The following PGPEP1 variants were observed in gnomAD, a reference collection of about 807,000 sequenced individuals.
PGPEP1 encodes pyroglutamyl-peptidase I, also known as pyroglutamyl-peptidase 1.
A neutral mutation model predicts 24.1 loss-of-function variants in PGPEP1; 15 were observed. The ratio of observed to expected loss-of-function variants is 0.62; its 90% CI spans 0.42 to 0.96. The LOEUF (loss-of-function observed/expected upper bound fraction) is 0.96, where lower values mean the gene tolerates loss of function less well. Ranked by LOEUF, PGPEP1 falls within the 40% of genes least tolerant of loss-of-function variation. The pLI is 0.00. For missense variants in PGPEP1, 242 were observed against 273.4 expected (o/e 0.89, Z 0.81); for synonymous variants, 122 against 116.4 (o/e 1.05, Z -0.31).
chr19:18,348,523 G>A (rs1263354270), intron 2 of PGPEP1, among the ~76,000 whole-genome samples: 2 of 152,112 alleles, frequency 1.3e-5, no homozygotes, highest in Non-Finnish European at 2.9e-5. Context: ...GCAAAGTGAT[G>A]TGGGACTTGG....
intron 2 of PGPEP1, among the ~76,000 whole-genome samples, chr19:18,352,289 T>TAAAAAAAA (rs1971055239): frequency 1.6e-5 from 1 of 63,008 alleles, no homozygotes; most frequent in African/African-American, 5.2e-5. Context: ...AAAAAAAAAT[T>TAAAAAAAA]AGTTGGGTGT....
Position 18,367,173 on chromosome 19 carries a change from A to AAAAAAAAAAAAAAAAC in PGPEP1, c.*3592_*3593insAAAAAAAAAAAAACAA. On this transcript the variant is annotated 3_prime_UTR_variant, in exon 5 of 5. Transcript: ENST00000269919. ...TCTGTCTCAAAAAAAAAAAAAAAAA[A>AAAAAAAAAAAAAAAAC]AATCCTCATGCAAGAAGGGAAGGAC... 6.6e-6 allele frequency: 1 copy of AAAAAAAAAAAAAAAAC among 151,832 alleles called. No individual in the cohort carries two copies. The highest frequency in any genetic ancestry group is 2.4e-5 in the African/African-American group (1 of 41,176). The allele number at this position is 151,832 out of a possible 1,614,324, so 9.4% of individuals were successfully genotyped here.
At chr19:18,346,085 C>G (rs1297869306) in intron 2 of PGPEP1, among the ~76,000 whole-genome samples, 1 of 152,092 alleles carries the variant, frequency 6.6e-6, no homozygotes, top group Non-Finnish European at 1.5e-5. Flanking sequence ...ACAGAAGCCC[C>G]ACATAGCCTC....
intron 4 of PGPEP1, 48 bp from the exon 5 acceptor site, chr19:18,363,343 C>G (rs748160858): frequency 1.0e-5 from 16 of 1,532,170 alleles, no homozygotes; most frequent in Middle Eastern, 1.7e-4. Context: ...GATTGCCCCT[C>G]TGACCCCGTT....
Position 18,355,900 on chromosome 19 carries a change from A to G in PGPEP1, c.93A>G (p.Leu31=). 2 of 1,607,440 alleles carry G rather than the reference A, an allele frequency of 1.2e-6. No individual in the cohort carries two copies. Among genetic ancestry groups the G allele is most frequent in the South Asian group, 1.1e-5 (1 of 90,900 alleles). Residue 31 remains leucine (L), a synonymous_variant, in exon 3 of 5, where the codon CTA becomes CTG. Coordinates refer to ENST00000269919, the MANE Select transcript of PGPEP1 (RefSeq NM_017712.4). ...VNASWIAVQE[L]EKLGLGDSVD... ...CCCACTCTCCTCTCTTCCAGGAGCT[A>G]GAAAAGCTAGGCCTTGGCGACAGCG...
At chr19:18,345,160 C>T (rs1304858876) in intron 2 of PGPEP1, among the ~76,000 whole-genome samples, 1 of 152,014 alleles carries the variant, frequency 6.6e-6, no homozygotes, top group Non-Finnish European at 1.5e-5. Context: ...CACCACCAGG[C>T]CCGGCTAATT....
At chr19:18,345,063 C>T (rs1054368825) in intron 2 of PGPEP1, among the ~76,000 whole-genome samples, 12 of 151,974 alleles carry the variant, frequency 7.9e-5, no homozygotes, top group African/African-American at 2.9e-4. Flanking sequence ...TGCAATGTCA[C>T]GGTATCAGCT....
intron 4 of PGPEP1, among the ~76,000 whole-genome samples, chr19:18,363,129 C>T (rs1402405239): frequency 6.6e-6 from 1 of 151,466 alleles, no homozygotes; most frequent in African/African-American, 2.4e-5. Flanking sequence ...AATCATGGCT[C>T]ACTGCAGCCT....
At chr19:18,351,272 C>T (rs1022699193) in intron 2 of PGPEP1, among the ~76,000 whole-genome samples, 1 of 149,500 alleles carries the variant, frequency 6.7e-6, no homozygotes, top group Non-Finnish European at 1.5e-5. Flanking sequence ...CTCAAAAAAA[C>T]CAAACAAAAC....
chr19:18,366,809 C>A lies in PGPEP1; in HGVS notation c.*3226C>A, dbSNP rs1017170484. 2.0e-5 allele frequency: 3 copies of A among 152,106 alleles called. No individual in the cohort carries two copies. Among genetic ancestry groups the A allele is most frequent in the Admixed American group, 2.0e-4 (3 of 15,246 alleles). The allele number at this position is 152,106 out of a possible 1,614,324, so 9.4% of individuals were successfully genotyped here. A position where few individuals can be genotyped will look rare whatever the true frequency, so the allele number is the denominator to read the frequency against. Reference sequence around the variant, plus strand: ...ATATTTTTCTTTTGGTGGAACTCATCTGTGCACTCTCTGGTGTGTTTTTCC... The same window carrying A: ...ATATTTTTCTTTTGGTGGAACTCATATGTGCACTCTCTGGTGTGTTTTTCC... On this transcript the variant is annotated 3_prime_UTR_variant, in exon 5 of 5. Coordinates refer to ENST00000269919, the MANE Select transcript of PGPEP1 (RefSeq NM_017712.4).
chr19:18,354,450 G>T (rs1376798188), intron 2 of PGPEP1, among the ~76,000 whole-genome samples: 2 of 151,896 alleles, frequency 1.3e-5, no homozygotes, highest in Admixed American at 6.6e-5. Context: ...AGCCGAGGTG[G>T]CGCCGCTGCA....
At chr19:18,341,325 T>G (rs1376387553) in intron 1 of PGPEP1, among the ~76,000 whole-genome samples, 9 of 152,148 alleles carry the variant, frequency 5.9e-5, no homozygotes, top group Non-Finnish European at 1.3e-4. Context: ...GGGCTGTTTG[T>G]TGGTGAGTCA....
At chr19:18,351,759 G>A (rs1971032046) in intron 2 of PGPEP1, among the ~76,000 whole-genome samples, 1 of 151,922 alleles carries the variant, frequency 6.6e-6, no homozygotes, top group Non-Finnish European at 1.5e-5. Context: ...CCTGGGCAAT[G>A]TAGCAAGACC....
chr19:18,342,976 T>A, intron 2 of PGPEP1, 65 bp downstream of exon 2: 1 of 1,153,696 alleles, frequency 8.7e-7, no homozygotes, highest in East Asian at 2.3e-5. Context: ...AGTTATGGCA[T>A]CCAAGAAGGT....
chr19:18,359,690 T>G (rs1971287235), intron 4 of PGPEP1, among the ~76,000 whole-genome samples: 1 of 152,084 alleles, frequency 6.6e-6, no homozygotes, highest in African/African-American at 2.4e-5. Context: ...GTATTTTTAG[T>G]AGAGGCGGGG....
chr19:18,341,549 G>A (rs1421698377), intron 1 of PGPEP1, among the ~76,000 whole-genome samples: 1 of 152,146 alleles, frequency 6.6e-6, no homozygotes, highest in East Asian at 1.9e-4. Flanking sequence ...GGGAGATTGA[G>A]GCTGATCCAG....
intron 4 of PGPEP1, among the ~76,000 whole-genome samples, chr19:18,362,567 A>T (rs2144581048): frequency 6.6e-6 from 1 of 151,572 alleles, no homozygotes; most frequent in South Asian, 2.1e-4. Context: ...CTCTACTAAA[A>T]ATACAAAAAT....
Position 18,340,657 on chromosome 19 carries a change from G to A in PGPEP1, c.-25G>A, listed in dbSNP as rs1413986812. The A allele has an allele frequency of 6.5e-7, 1 of 1,536,402 alleles. No individual in the cohort carries two copies. Among genetic ancestry groups the A allele is most frequent in the Admixed American group, 2.0e-5 (1 of 50,666 alleles). On this transcript the variant is annotated 5_prime_UTR_variant, in exon 1 of 5. Coordinates refer to ENST00000269919, the MANE Select transcript of PGPEP1 (RefSeq NM_017712.4). ...GTCGCGCCAGTCGCAACAGAAGCAG[G>A]TCCGAGGCACAGCCCGATCCCGCCA...
At position 18,340,615 on chromosome 19, in the gene PGPEP1, C is replaced by CT; in HGVS notation, c.-66dup. On this transcript the variant is annotated 5_prime_UTR_variant, in exon 1 of 5. Transcript: ENST00000269919. ...GGCGTGGCCTCGCGCGGCCGAGAGG[C>CT]TGCAGCGGCAGCAGCTGTCGCGCCA... is the stretch of plus-strand genomic sequence containing the variant. The CT allele has an allele frequency of 6.9e-7, 1 of 1,444,006 alleles. No individual in the cohort carries two copies. The highest frequency in any genetic ancestry group is 9.2e-7 in the Non-Finnish European group (1 of 1,081,614). 89.4% of individuals were successfully genotyped at this position (1,444,006 alleles called of 1,614,324 possible). A position where few individuals can be genotyped will look rare whatever the true frequency, so the allele number is the denominator to read the frequency against.
Sources: gnomAD v4.1 joint callset for allele counts (sites outside exome capture counted in the v4.1 genomes callset) on GRCh38, gnomAD v4.1.1 for gene constraint, MANE v1.5 for transcripts, NCBI Gene and HGNC (gene_info 2026-07-23, HGNC 2026-07-21) for gene names.